DAB1: variants seen among roughly 807,000 people sequenced by gnomAD.
DAB1 encodes the protein disabled homolog 1.
In DAB1, 15 loss-of-function variants were observed where a neutral mutation model predicts 64.6. The ratio of observed to expected loss-of-function variants is 0.23; its 90% CI spans 0.16 to 0.36. The LOEUF is 0.36. DAB1 is among the 10% of genes least tolerant of loss of function. DAB1 has a pLI of 1.00. For synonymous variants in DAB1, 235 were observed against 251.9 expected, an observed-to-expected ratio of 0.93 and a Z score of 0.64; for missense variants, 596 against 706.7, an observed-to-expected ratio of 0.84 and a Z score of 1.78.
At chr1:58,013,739 C>G (rs1444756036) in intron 5 of DAB1, among the ~76,000 whole-genome samples, 1 of 152,152 alleles carries the variant, frequency 6.6e-6, no homozygotes, top group Admixed American at 6.6e-5. Context: ...CACACCAGCT[C>G]AAGAGAGTCA....
At chr1:57,797,650 G>A (rs769196477) in intron 6 of DAB1, among the ~76,000 whole-genome samples, 2 of 152,162 alleles carry the variant, frequency 1.3e-5, no homozygotes, top group Admixed American at 6.5e-5. Context: ...TTCCTTACAC[G>A]TATAAAAGAG....
intron 1 of DAB1, among the ~76,000 whole-genome samples, chr1:57,853,497 C>T (rs1231969531): frequency 2.0e-5 from 3 of 152,076 alleles, no homozygotes; most frequent in African/African-American, 7.2e-5. Flanking sequence ...AGAAGAAATG[C>T]ATTTAAAATG....
intron 2 of DAB1, among the ~76,000 whole-genome samples, chr1:57,263,751 C>T (rs866843898): frequency 2.0e-4 from 31 of 152,290 alleles, no homozygotes; most frequent in African/African-American, 6.7e-4. Context: ...GTCATTTAGT[C>T]GGAGCCAGTT....
chr1:57,029,503 A>T (rs1646900064), intron 9 of DAB1, among the ~76,000 whole-genome samples: 1 of 152,164 alleles, frequency 6.6e-6, no homozygotes, highest in Admixed American at 6.5e-5. Context: ...CAGGAATGGT[A>T]GATCCACTGA....
chr1:57,984,481 C>T (rs1167479508), intron 5 of DAB1, among the ~76,000 whole-genome samples: 1 of 152,158 alleles, frequency 6.6e-6, no homozygotes, highest in South Asian at 2.1e-4. Flanking sequence ...AAGAATGCAA[C>T]AATTAAGAAT....
intron 7 of DAB1, among the ~76,000 whole-genome samples, chr1:57,618,701 T>G (rs7546312): frequency 0.94 from 142,593 of 152,218 alleles, 67,064 homozygotes; most frequent in East Asian, 1. Context: ...ATTAATGTTT[T>G]TTAAGAATAT....
At chr1:57,998,838 T>C (rs1239765927) in intron 5 of DAB1, among the ~76,000 whole-genome samples, 2 of 152,256 alleles carry the variant, frequency 1.3e-5, no homozygotes, top group Admixed American at 6.5e-5. Context: ...ATACTCTTTC[T>C]TGTGGACATT....
chr1:58,234,251 T>C (rs1395843722), intron 4 of DAB1, among the ~76,000 whole-genome samples: 1 of 152,192 alleles, frequency 6.6e-6, no homozygotes, highest in African/African-American at 2.4e-5. Flanking sequence ...TTAGCAAATA[T>C]CTATCGATTA....
chr1:58,476,050 G>A (rs1012679434), intron 3 of DAB1, among the ~76,000 whole-genome samples: 6 of 151,912 alleles, frequency 3.9e-5, no homozygotes, highest in East Asian at 1.9e-4. Flanking sequence ...TATTCTGAAG[G>A]AAGAAAAAAA....
At chr1:57,485,325 T>C (rs902462889) in intron 7 of DAB1, among the ~76,000 whole-genome samples, 1 of 152,200 alleles carries the variant, frequency 6.6e-6, no homozygotes, top group Non-Finnish European at 1.5e-5. Flanking sequence ...CTAACATTTT[T>C]ACTAGCATTG....
intron 5 of DAB1, among the ~76,000 whole-genome samples, chr1:58,011,684 T>C (rs558417780): frequency 2.0e-5 from 3 of 152,152 alleles, no homozygotes; most frequent in Non-Finnish European, 4.4e-5. Context: ...CTAAAATTCT[T>C]TTTCTTTTTA....
intron 6 of DAB1, among the ~76,000 whole-genome samples, chr1:57,722,316 G>A (rs1315079637): frequency 6.6e-6 from 1 of 152,068 alleles, no homozygotes; most frequent in Admixed American, 6.6e-5. Flanking sequence ...TGATGAAGCT[G>A]GAAAAGGGCA....
At chr1:58,048,477 C>A in intron 5 of DAB1, 1 of 1,270,704 alleles carries the variant, frequency 7.9e-7, no homozygotes, top group Non-Finnish European at 1.1e-6. Context: ...TTTCCATAAC[C>A]CTGTCCACCA....
upstream of DAB1, among the ~76,000 whole-genome samples, chr1:57,428,170 GA>G (rs1001502329): frequency 7.5e-5 from 11 of 146,762 alleles, no homozygotes; most frequent in East Asian, 9.9e-4. Flanking sequence ...CTCCATCTCA[GA>G]AAAAAAAAAG....
intron 3 of DAB1, among the ~76,000 whole-genome samples, chr1:58,424,993 A>T (rs1383268845): frequency 6.6e-6 from 1 of 152,214 alleles, no homozygotes; most frequent in Non-Finnish European, 1.5e-5. Context: ...ATAGCTAAGC[A>T]TTAAGCATAT....
rs574722463 is a variant in DAB1 at position 57,789,067 on chromosome 1, A to G, written n.551+94932T>C. 1.0e-3 allele frequency among the ~76,000 whole-genome samples: 156 copies of G among 152,252 alleles called. 1 individual carries two copies. The highest frequency in any genetic ancestry group is 3.5e-3 in the African/African-American group (145 of 41,564). On this transcript the variant is annotated intron_variant and non_coding_transcript_variant, in intron 6 of 20. Coordinates refer to the DAB1 transcript ENST00000485760. ...GGAGAAGAGGGCTGAGGAGGAAGAT[A>G]CTAGAGGCTTTGGAAGGATTGAGAG...
chr1:57,773,947 T>C (rs1266203386), intron 6 of DAB1, among the ~76,000 whole-genome samples: 1 of 152,042 alleles, frequency 6.6e-6, no homozygotes, highest in African/African-American at 2.4e-5. Flanking sequence ...CCAATTTTGT[T>C]AATCTTTTCC....
rs376159377 is a variant in DAB1 at position 57,859,088 on chromosome 1, G to A, written n.87+24911C>T. Among the ~76,000 whole-genome samples the A allele has an allele frequency of 2.5e-4, 38 of 151,968 alleles. 3 individuals carry two copies. In the South Asian group the frequency reaches 7.7e-3, roughly 31 times the overall value. ...ATGGCCTGTATAAACAAAAGCATGAGAACAGAACTTCCCTAAGCAGCCGAG... is the reference window on the plus strand; with the variant it reads ...ATGGCCTGTATAAACAAAAGCATGAAAACAGAACTTCCCTAAGCAGCCGAG... On this transcript the variant is annotated intron_variant and non_coding_transcript_variant, in intron 1 of 1. Transcript: ENST00000477280.
intron 4 of DAB1, among the ~76,000 whole-genome samples, chr1:58,189,478 C>T (rs148052777): frequency 6.1e-4 from 93 of 152,326 alleles, no homozygotes; most frequent in Middle Eastern, 6.8e-3. Flanking sequence ...ATTCCCTAGA[C>T]CACCCTCATT....
Sources: allele counts gnomAD v4.1 joint callset (sites outside exome capture counted in the v4.1 genomes callset), GRCh38; gene constraint gnomAD v4.1.1; transcripts MANE v1.5; gene names NCBI Gene and HGNC (gene_info 2026-07-23, HGNC 2026-07-21).